The following ARHGAP10 variants were observed in gnomAD, a reference collection of about 807,000 sequenced individuals.
The protein encoded by ARHGAP10 is Rho GTPase activating protein 10, also known as rho GTPase-activating protein 10.
ARHGAP10 carries 87 observed loss-of-function variants against 108.6 expected under a neutral mutation model. The observed-to-expected ratio is 0.80, with a 90% CI of 0.67 to 0.96. The LOEUF (loss-of-function observed/expected upper bound fraction) is 0.96. Ranked by LOEUF, ARHGAP10 falls within the 40% of genes least tolerant of loss-of-function variation. The pLI, the probability that ARHGAP10 is intolerant of heterozygous loss-of-function variation, is 0.00. For missense variants in ARHGAP10, 939 were observed against 954.5 expected (o/e 0.98, Z 0.21); for synonymous variants, 347 against 341.1 (o/e 1.02, Z -0.19).
chr4:147,963,860 A>G (rs990011224), intron 16 of ARHGAP10, among the ~76,000 whole-genome samples: 48 of 152,066 alleles, frequency 3.2e-4, no homozygotes, highest in Admixed American at 5.2e-4. Context: ...TGACAGGACA[A>G]CCTCCGCTGT....
At chr4:147,799,178 G>A (rs1731475931) in intron 1 of ARHGAP10, among the ~76,000 whole-genome samples, 1 of 151,988 alleles carries the variant, frequency 6.6e-6, no homozygotes, top group Non-Finnish European at 1.5e-5. Context: ...GGGACTACAG[G>A]CATGCATCAG....
intron 18 of ARHGAP10, among the ~76,000 whole-genome samples, chr4:147,999,632 C>T (rs372101541): frequency 2.4e-4 from 36 of 152,332 alleles, no homozygotes; most frequent in East Asian, 1.4e-3. Context: ...TCACTGGGTT[C>T]CACGGTTCTC....
chr4:147,911,642 G>C, intron 12 of ARHGAP10, among the ~76,000 whole-genome samples: 1 of 39,358 alleles, frequency 2.5e-5, no homozygotes, highest in Admixed American at 2.4e-4. Flanking sequence ...GATTACAGGC[G>C]TGAGCCACCG....
At chr4:147,867,116 A>C (rs1734598603) in intron 7 of ARHGAP10, among the ~76,000 whole-genome samples, 1 of 152,162 alleles carries the variant, frequency 6.6e-6, no homozygotes, top group African/African-American at 2.4e-5. Flanking sequence ...AGAGCACTCC[A>C]CTTTAAGGCA....
intron 13 of ARHGAP10, among the ~76,000 whole-genome samples, chr4:147,923,674 C>A (rs1047070277): frequency 3.9e-5 from 6 of 152,176 alleles, no homozygotes; most frequent in Admixed American, 1.3e-4. Flanking sequence ...TCATTTGTTG[C>A]ATGTAAAAGC....
intron 18 of ARHGAP10, among the ~76,000 whole-genome samples, chr4:147,978,593 A>G (rs1739690848): frequency 6.6e-6 from 1 of 152,144 alleles, no homozygotes; most frequent in Non-Finnish European, 1.5e-5. Flanking sequence ...GCTCCGCCAC[A>G]GTAAGGTGTG....
intron 3 of ARHGAP10, among the ~76,000 whole-genome samples, chr4:147,829,545 G>A (rs1328117301): frequency 1.3e-5 from 2 of 152,114 alleles, no homozygotes; most frequent in Non-Finnish European, 2.9e-5. Context: ...CCTTGACTCT[G>A]GAGGTGAAGA....
chr4:147,739,880 C>T (rs531611650), intron 1 of ARHGAP10, among the ~76,000 whole-genome samples: 13 of 150,294 alleles, frequency 8.6e-5, no homozygotes, highest in African/African-American at 2.5e-4. Context: ...GGATTACAGG[C>T]GCCTGCCACC....
intron 1 of ARHGAP10, among the ~76,000 whole-genome samples, chr4:147,739,585 G>A (rs539531746): frequency 2.5e-4 from 38 of 152,250 alleles, no homozygotes; most frequent in Admixed American, 1.0e-3. Context: ...AAAAGAAGAC[G>A]ACCAGAGACA....
intron 4 of ARHGAP10, among the ~76,000 whole-genome samples, chr4:147,853,974 C>A (rs2126827401): frequency 6.6e-6 from 1 of 152,130 alleles, no homozygotes; most frequent in Admixed American, 6.5e-5. Context: ...TTTTTAAACC[C>A]AGTGATGTGT....
intron 18 of ARHGAP10, among the ~76,000 whole-genome samples, chr4:148,004,253 TTC>T (rs1740853724): frequency 1.3e-5 from 2 of 152,212 alleles, no homozygotes; most frequent in South Asian, 4.1e-4. Context: ...TCTACAGATA[TTC>T]TCTCAAAATT....
intron 1 of ARHGAP10, among the ~76,000 whole-genome samples, chr4:147,771,234 A>G (rs1730065904): frequency 6.6e-6 from 1 of 152,164 alleles, no homozygotes. Flanking sequence ...TCTGGGGGGT[A>G]AGGAATTCAA....
chr4:148,036,140 A>C (rs1024164612), intron 19 of ARHGAP10, among the ~76,000 whole-genome samples: 1 of 151,764 alleles, frequency 6.6e-6, no homozygotes, highest in Non-Finnish European at 1.5e-5. Context: ...AATGTATAAG[A>C]TAATATGATA....
intron 19 of ARHGAP10, among the ~76,000 whole-genome samples, chr4:148,038,949 T>TA (rs1728500060): frequency 1.3e-5 from 2 of 152,204 alleles, no homozygotes; most frequent in African/African-American, 4.8e-5. Context: ...TTTTGAAACT[T>TA]AGTGTTATTT....
At chr4:148,022,873 C>T (rs1057266699) in intron 18 of ARHGAP10, among the ~76,000 whole-genome samples, 1 of 152,078 alleles carries the variant, frequency 6.6e-6, no homozygotes, top group East Asian at 1.9e-4. Flanking sequence ...TTGAGGCCAA[C>T]GTTTTGGTGT....
rs752479792 is a variant in ARHGAP10, at chr4:147,969,415, AC to A, written c.1716+2577del. 6.1e-5 allele frequency among the ~76,000 whole-genome samples: 9 copies of A among 147,280 alleles called. No individual in the cohort carries two copies. The South Asian group carries it at 8.6e-4, about 14-fold the overall frequency. The stretch of plus-strand genomic sequence containing the variant: ...CTGTTATTAAGCCTCATTAGTGTGC[AC>A]TAAGCCATCCAGACAGCTCATGGAA... On this transcript the variant is annotated intron_variant, in intron 18 of 22. Coordinates refer to ENST00000336498, the MANE Select transcript of ARHGAP10 (RefSeq NM_024605.4).
At chr4:147,970,381 GAA>G (rs1739360327) in intron 18 of ARHGAP10, among the ~76,000 whole-genome samples, 1 of 151,340 alleles carries the variant, frequency 6.6e-6, no homozygotes, top group African/African-American at 2.4e-5. Flanking sequence ...AGGAAAAGTT[GAA>G]AAGAGTAGTC....
At chr4:147,968,698 T>A (rs1275540976) in intron 18 of ARHGAP10, among the ~76,000 whole-genome samples, 1 of 152,262 alleles carries the variant, frequency 6.6e-6, no homozygotes, top group African/African-American at 2.4e-5. Flanking sequence ...CACCTGTAGA[T>A]GAGCACTTTG....
intron 13 of ARHGAP10, among the ~76,000 whole-genome samples, chr4:147,919,313 C>T (rs1332504236): frequency 1.3e-5 from 2 of 152,172 alleles, no homozygotes; most frequent in Non-Finnish European, 2.9e-5. Flanking sequence ...TAAGAAAAAA[C>T]TCCATTTTGC....
Sources: allele counts gnomAD v4.1 joint callset (sites outside exome capture counted in the v4.1 genomes callset), GRCh38; gene constraint gnomAD v4.1.1; transcripts MANE v1.5; gene names NCBI Gene and HGNC (gene_info 2026-07-23, HGNC 2026-07-21).